The following CCSER1 variants were observed in gnomAD, a reference collection of about 807,000 sequenced individuals.
The protein encoded by CCSER1 is serine-rich coiled-coil domain-containing protein 1.
CCSER1 carries 41 observed loss-of-function variants against 82.0 expected under a neutral mutation model. The ratio of observed to expected loss-of-function variants is 0.50; its 90% CI spans 0.39 to 0.65. The LOEUF (loss-of-function observed/expected upper bound fraction) is 0.65, where lower values mean the gene tolerates loss of function less well. Among genes scored for constraint, CCSER1 ranks in the 30% least tolerant of loss-of-function variants. CCSER1 has a pLI of 0.00. For synonymous variants in CCSER1, 414 were observed against 383.9 expected (o/e 1.08, Z -0.92); for missense variants, 1,119 against 1,064.2 (o/e 1.05, Z -0.72).
At chr4:91,110,535 C>T (rs146362997) in intron 10 of CCSER1, among the ~76,000 whole-genome samples, 45 of 152,082 alleles carry the variant, frequency 3.0e-4, no homozygotes, top group African/African-American at 9.9e-4. Context: ...GGCCTATTCA[C>T]GGAGAAACTT....
intron 7 of CCSER1, among the ~76,000 whole-genome samples, chr4:90,767,979 G>A (rs144588520): frequency 8.5e-5 from 13 of 152,340 alleles, no homozygotes; most frequent in African/African-American, 3.1e-4. Flanking sequence ...ATAGGTGTCT[G>A]TGGTAGGCTC....
chr4:91,273,247 T>G (rs1190972967), intron 10 of CCSER1, among the ~76,000 whole-genome samples: 1 of 152,184 alleles, frequency 6.6e-6, no homozygotes, highest in Non-Finnish European at 1.5e-5. Flanking sequence ...TGGGTTTCCA[T>G]TTGTTTGGGT....
chr4:90,554,685 C>T (rs560835235), intron 5 of CCSER1, among the ~76,000 whole-genome samples: 2 of 152,282 alleles, frequency 1.3e-5, no homozygotes, highest in Admixed American at 1.3e-4. Context: ...TTAAGGAAGT[C>T]TTTAAATGCA....
intron 9 of CCSER1, among the ~76,000 whole-genome samples, chr4:90,973,254 T>C (rs1735287277): frequency 6.6e-6 from 1 of 151,680 alleles, no homozygotes; most frequent in African/African-American, 2.4e-5. Flanking sequence ...GAAGAAAATG[T>C]TTGCAAGCTA....
intron 4 of CCSER1, among the ~76,000 whole-genome samples, chr4:90,457,400 G>A (rs924749372): frequency 1.3e-5 from 2 of 152,104 alleles, no homozygotes; most frequent in Admixed American, 1.3e-4. Flanking sequence ...CCCTGTTTGT[G>A]CCATTCAGCA....
intron 10 of CCSER1, among the ~76,000 whole-genome samples, chr4:91,476,967 G>T (rs569830908): frequency 6.6e-6 from 1 of 151,806 alleles, no homozygotes; most frequent in African/African-American, 2.4e-5. Flanking sequence ...ACTACTAGAA[G>T]AAAACATTGG....
chr4:91,562,697 G>C (rs1762710567), intron 10 of CCSER1, among the ~76,000 whole-genome samples: 1 of 151,548 alleles, frequency 6.6e-6, no homozygotes, highest in Non-Finnish European at 1.5e-5. Flanking sequence ...CTTCCATGCA[G>C]AGAGTTTTAG....
chr4:90,651,412 C>T (rs1247370125), intron 6 of CCSER1, among the ~76,000 whole-genome samples: 2 of 152,086 alleles, frequency 1.3e-5, no homozygotes, highest in Admixed American at 6.6e-5. Flanking sequence ...AGCTGGAAAC[C>T]ATCATTCTCA....
At chr4:91,365,515 T>C (rs1337598406) in intron 10 of CCSER1, among the ~76,000 whole-genome samples, 1 of 152,208 alleles carries the variant, frequency 6.6e-6, no homozygotes, top group Non-Finnish European at 1.5e-5. Flanking sequence ...ATGAAGTAAT[T>C]AGTGTGTTTT....
At chr4:90,376,748 A>T (rs1398581776) in intron 3 of CCSER1, among the ~76,000 whole-genome samples, 1 of 152,136 alleles carries the variant, frequency 6.6e-6, no homozygotes, top group South Asian at 2.1e-4. Flanking sequence ...GTCATGGGAA[A>T]ATTCTCCAAA....
intron 8 of CCSER1, among the ~76,000 whole-genome samples, chr4:90,906,400 C>A (rs1022663808): frequency 6.6e-6 from 1 of 152,040 alleles, no homozygotes; most frequent in African/African-American, 2.4e-5. Context: ...ACCATGCTGA[C>A]TCTGCAAGTG....
chr4:90,314,564 A>T (rs1186566457), intron 3 of CCSER1, among the ~76,000 whole-genome samples: 1 of 151,966 alleles, frequency 6.6e-6, no homozygotes, highest in Non-Finnish European at 1.5e-5. Context: ...AGACAAGCCT[A>T]GGCAAAATAT....
chr4:91,331,033 G>T (rs1266777591), intron 10 of CCSER1, among the ~76,000 whole-genome samples: 4 of 152,070 alleles, frequency 2.6e-5, no homozygotes, highest in African/African-American at 9.7e-5. Context: ...ACCATAGTGT[G>T]TGTAGCGTTC....
chr4:90,347,472 A>C (rs1742579600), intron 3 of CCSER1, among the ~76,000 whole-genome samples: 1 of 152,216 alleles, frequency 6.6e-6, no homozygotes, highest in South Asian at 2.1e-4. Context: ...AGTCATCCAC[A>C]GTCCAAAAAT....
intron 10 of CCSER1, among the ~76,000 whole-genome samples, chr4:91,500,091 G>C (rs1759127205): frequency 6.6e-6 from 1 of 151,972 alleles, no homozygotes; most frequent in African/African-American, 2.4e-5. Flanking sequence ...ATTTACACCA[G>C]CATTGAATAA....
chr4:90,643,445 G>A (rs879917191), intron 6 of CCSER1, among the ~76,000 whole-genome samples: 12 of 152,102 alleles, frequency 7.9e-5, no homozygotes, highest in African/African-American at 2.7e-4. Flanking sequence ...TTAGGAGCAA[G>A]AATATACAGT....
At chr4:90,198,613 A>T (rs1737048161) in intron 1 of CCSER1, among the ~76,000 whole-genome samples, 1 of 152,182 alleles carries the variant, frequency 6.6e-6, no homozygotes, top group African/African-American at 2.4e-5. Flanking sequence ...GGAAGGATTC[A>T]GCTTTTGCAG....
intron 10 of CCSER1, among the ~76,000 whole-genome samples, chr4:91,190,799 T>C (rs1236707989): frequency 6.6e-6 from 1 of 152,208 alleles, no homozygotes; most frequent in African/African-American, 2.4e-5. Flanking sequence ...TTTCACAGCT[T>C]CCATTTCCTC....
At chr4:91,199,659 T>C (rs947829310) in intron 10 of CCSER1, among the ~76,000 whole-genome samples, 3 of 152,060 alleles carry the variant, frequency 2.0e-5, no homozygotes, top group Non-Finnish European at 4.4e-5. Flanking sequence ...GGTGCTTCTA[T>C]AGAAAGAGTT....
Sources: allele counts gnomAD v4.1 joint callset (sites outside exome capture counted in the v4.1 genomes callset), GRCh38; gene constraint gnomAD v4.1.1; transcripts MANE v1.5; gene names NCBI Gene and HGNC (gene_info 2026-07-23, HGNC 2026-07-21).